CSGALNACT1: variants seen among roughly 807,000 people sequenced by gnomAD.
The protein encoded by CSGALNACT1 is beta4GalNAcT-1.
A neutral mutation model predicts 51.0 loss-of-function variants in CSGALNACT1; 52 were observed. The observed-to-expected ratio is 1.02, with a 90% CI of 0.82 to 1.29. The LOEUF is 1.29. CSGALNACT1 is among the 50% of genes most tolerant of loss of function. The pLI is 0.00. For synonymous variants in CSGALNACT1, 341 were observed against 254.4 expected, an observed-to-expected ratio of 1.34 and a Z score of -3.24; for missense variants, 935 against 679.2, an observed-to-expected ratio of 1.38 and a Z score of -4.19.
chr8:19,618,583 G>C (rs963740178), intron 1 of CSGALNACT1, among the ~76,000 whole-genome samples: 3 of 115,734 alleles, frequency 2.6e-5, no homozygotes, highest in African/African-American at 9.8e-5. Context: ...AATGAGCCAA[G>C]ATCATGCCAC....
intron 1 of CSGALNACT1, among the ~76,000 whole-genome samples, chr8:19,691,267 C>T (rs752318576): frequency 6.6e-6 from 1 of 152,110 alleles, no homozygotes; most frequent in Non-Finnish European, 1.5e-5. Context: ...GGAAGTTCCC[C>T]ATAAATTTCA....
chr8:19,490,649 A>G (rs2074169176), intron 4 of CSGALNACT1, among the ~76,000 whole-genome samples: 1 of 152,148 alleles, frequency 6.6e-6, no homozygotes, highest in Non-Finnish European at 1.5e-5. Flanking sequence ...CAGCTTGGAC[A>G]CCTGTAGTCT....
chr8:19,644,469 G>T (rs1342750187), intron 1 of CSGALNACT1, among the ~76,000 whole-genome samples: 1 of 150,728 alleles, frequency 6.6e-6, no homozygotes, highest in African/African-American at 2.4e-5. Context: ...CGGTACTTTG[G>T]GAGGCTGAGG....
intron 1 of CSGALNACT1, among the ~76,000 whole-genome samples, chr8:19,635,630 A>T (rs1352178538): frequency 6.6e-6 from 1 of 152,054 alleles, no homozygotes; most frequent in Admixed American, 6.6e-5. Flanking sequence ...CTTTTTCGGC[A>T]TATTGAGGTT....
chr8:19,680,616 A>G (rs2060545081), intron 1 of CSGALNACT1, among the ~76,000 whole-genome samples: 1 of 143,418 alleles, frequency 7.0e-6, no homozygotes. Context: ...TAAATACAGT[A>G]TAACAACTAT....
rs994207424 is a variant in CSGALNACT1 at position 19,571,800 on chromosome 8, C to T, written c.-297+19360G>A. Among the ~76,000 whole-genome samples, 8 of 152,286 alleles carry T rather than the reference C, an allele frequency of 5.3e-5. No individual in the cohort carries two copies. In the South Asian group the frequency reaches 1.4e-3, roughly 28 times the overall value. On this transcript the variant is annotated intron_variant, in intron 3 of 9. Coordinates refer to ENST00000454498, the Ensembl canonical transcript of CSGALNACT1. ...CCCTCAGCAAAATGGGAACAGAAAC[C>T]TCTGCCCTCTTTGCTATCAGACAAG...
chr8:19,455,729 T>C (rs2063952467), intron 5 of CSGALNACT1, among the ~76,000 whole-genome samples: 1 of 152,226 alleles, frequency 6.6e-6, no homozygotes, highest in Non-Finnish European at 1.5e-5. Flanking sequence ...CTACTCAGCC[T>C]CCTGCTCCAG....
chr8:19,698,059 G>T (rs183112054), intron 1 of CSGALNACT1, among the ~76,000 whole-genome samples: 1 of 137,204 alleles, frequency 7.3e-6, no homozygotes, highest in African/African-American at 2.6e-5. Context: ...ATTCATGGGA[G>T]CTCCACTGCG....
chr8:19,649,667 A>G (rs2057599741), intron 1 of CSGALNACT1, among the ~76,000 whole-genome samples: 1 of 151,890 alleles, frequency 6.6e-6, no homozygotes, highest in African/African-American at 2.4e-5. Context: ...TAAAATATCC[A>G]TACACCCCAA....
At chr8:19,754,044 T>TG (rs2065206309) in intron 1 of CSGALNACT1, among the ~76,000 whole-genome samples, 1 of 151,734 alleles carries the variant, frequency 6.6e-6, no homozygotes, top group Admixed American at 6.6e-5. Flanking sequence ...GGCTCCATTT[T>TG]CTTTTTTCAG....
intron 3 of CSGALNACT1, among the ~76,000 whole-genome samples, chr8:19,528,464 T>C (rs936629325): frequency 2.0e-5 from 3 of 152,140 alleles, no homozygotes; most frequent in Admixed American, 6.5e-5. Context: ...AAGGTCAACA[T>C]GTCACCCGCA....
intron 3 of CSGALNACT1, among the ~76,000 whole-genome samples, chr8:19,555,797 A>C (rs1055406647): frequency 1.3e-5 from 2 of 152,228 alleles, no homozygotes; most frequent in African/African-American, 4.8e-5. Flanking sequence ...AAAATATAGC[A>C]TGCTTGTCTT....
intron 1 of CSGALNACT1, among the ~76,000 whole-genome samples, chr8:19,696,796 A>G (rs2061606130): frequency 6.6e-6 from 1 of 152,166 alleles, no homozygotes; most frequent in African/African-American, 2.4e-5. Context: ...GGAACCACAC[A>G]CAGTGTCGAC....
chr8:19,475,817 C>T (rs1466123252), intron 4 of CSGALNACT1, among the ~76,000 whole-genome samples: 2 of 152,184 alleles, frequency 1.3e-5, no homozygotes, highest in Non-Finnish European at 2.9e-5. Flanking sequence ...ATGACAAAGC[C>T]AAGCAATGGC....
intron 4 of CSGALNACT1, among the ~76,000 whole-genome samples, chr8:19,489,811 C>A (rs1385621204): frequency 6.6e-6 from 1 of 152,198 alleles, no homozygotes; most frequent in Non-Finnish European, 1.5e-5. Context: ...CCAAAAATCT[C>A]TCCTTCAACT....
At chr8:19,649,952 T>C (rs1041723694) in intron 1 of CSGALNACT1, among the ~76,000 whole-genome samples, 4 of 148,740 alleles carry the variant, frequency 2.7e-5, no homozygotes, top group African/African-American at 9.9e-5. Flanking sequence ...TGAAACCACA[T>C]CTTCATAATA....
At chr8:19,568,338 A>C (rs571617063) in intron 3 of CSGALNACT1, among the ~76,000 whole-genome samples, 14 of 152,242 alleles carry the variant, frequency 9.2e-5, no homozygotes, top group Admixed American at 3.9e-4. Flanking sequence ...GTATCTAAAC[A>C]TATCAAAAAA....
chr8:19,740,620 T>A (rs2064255093), intron 1 of CSGALNACT1, among the ~76,000 whole-genome samples: 1 of 152,286 alleles, frequency 6.6e-6, no homozygotes, highest in African/African-American at 2.4e-5. Flanking sequence ...ATATAATATA[T>A]CTTGAAGGGT....
At chr8:19,405,705 T>C in exon 10 of CSGALNACT1, 1 of 1,587,828 alleles carries the variant, frequency 6.3e-7, no homozygotes, top group African/African-American at 1.3e-5. Context: ...TATGGAAGTC[T>C]TTTCTCTGTT....
Sources: allele counts gnomAD v4.1 joint callset (sites outside exome capture counted in the v4.1 genomes callset), GRCh38; gene constraint gnomAD v4.1.1; transcripts MANE v1.5; gene names NCBI Gene and HGNC (gene_info 2026-07-23, HGNC 2026-07-21).